Variants in LGALS8 observed in about 807,000 individuals in gnomAD.
LGALS8 encodes galectin-8.
A neutral mutation model predicts 35.9 loss-of-function variants in LGALS8; 30 were observed. The observed-to-expected ratio is 0.83, with a 90% CI of 0.62 to 1.13. The LOEUF (loss-of-function observed/expected upper bound fraction) is 1.13, where lower values mean the gene tolerates loss of function less well. Ranked by LOEUF, LGALS8 falls within the 50% of genes most tolerant of loss-of-function variation. The pLI is 0.00. For synonymous variants in LGALS8, 138 were observed against 136.1 expected (o/e 1.01, Z -0.10); for missense variants, 366 against 388.7 (o/e 0.94, Z 0.49).
chr1:236,547,438 T>G (rs1364278823), intron 9 of LGALS8, among the ~76,000 whole-genome samples: 2 of 152,176 alleles, frequency 1.3e-5, no homozygotes, highest in African/African-American at 4.8e-5. Context: ...CAAGATGTGC[T>G]GAGCTTATCA....
chr1:236,520,375 CT>C (rs1434141717), upstream of LGALS8, among the ~76,000 whole-genome samples: 3 of 63,134 alleles, frequency 4.8e-5, no homozygotes, highest in East Asian at 3.5e-3. Context: ...AGTATCTTCT[CT>C]TTAAAAAAAA....
Position 236,540,549 on chromosome 1 carries a change from TC to T in LGALS8, c.346-14del. 2.6e-6 allele frequency: 4 copies of T among 1,546,018 alleles called. No individual in the cohort carries two copies. Among genetic ancestry groups the T allele is most frequent in the Non-Finnish European group, 3.5e-6 (4 of 1,146,192 alleles). On this transcript the variant is annotated splice_polypyrimidine_tract_variant and intron_variant, in intron 4 of 9. Coordinates refer to ENST00000366584, the MANE Select transcript of LGALS8 (RefSeq NM_201544.4). ...TTTGGTGGCGGGGGGGGCTCTGTCT[TC>T]TGTATCTCTCTAGGTGGCTGTAAAT...
At position 236,548,553 on chromosome 1, in the gene LGALS8, T is replaced by C. The variant is rs1158574836; in HGVS notation, c.*392T>C. ...TGGTGAAACAAACCAGTATGTTCCC[T>C]GTTCTCTTGAGCTTCGACTCTTCTG... On this transcript the variant is annotated 3_prime_UTR_variant, in exon 10 of 10. Coordinates refer to ENST00000366584, the MANE Select transcript of LGALS8 (RefSeq NM_201544.4). 1 of 252,844 alleles carries C rather than the reference T, an allele frequency of 4.0e-6. No homozygotes were observed. The highest frequency in any genetic ancestry group is 7.5e-6 in the Non-Finnish European group (1 of 134,192). The allele number at this position is 252,844 out of a possible 1,614,324, so 15.7% of individuals were successfully genotyped here. A position where few individuals can be genotyped will look rare whatever the true frequency, so the allele number is the denominator to read the frequency against.
intron 2 of LGALS8, among the ~76,000 whole-genome samples, chr1:236,533,004 C>T (rs1191049718): frequency 3.3e-5 from 5 of 152,334 alleles, no homozygotes; most frequent in African/African-American, 7.2e-5. Context: ...TATCGTTTCA[C>T]GCCAGGCTTA....
At chr1:236,518,487 G>A (rs140573382), upstream of LGALS8, 7 of 152,322 alleles carry the variant, frequency 4.6e-5, no homozygotes, top group African/African-American at 1.4e-4. Flanking sequence ...GGAAGCAGAT[G>A]TATGTATAAG....
chr1:236,532,183 G>A (rs563454746), intron 2 of LGALS8, among the ~76,000 whole-genome samples: 22 of 152,222 alleles, frequency 1.4e-4, no homozygotes, highest in East Asian at 9.7e-4. Flanking sequence ...GGAAATCCCC[G>A]TTACCAGTTA....
rs1230043060 is a variant in LGALS8, at chr1:236,549,215, C to CA, written c.*1057dup. ...GTCCATCATCATTAGCAACTGAGAT[C>CA]AAAGCACTCTTCCACTTTACGTGAT... On this transcript the variant is annotated 3_prime_UTR_variant, in exon 10 of 10. Coordinates refer to ENST00000366584, the MANE Select transcript of LGALS8 (RefSeq NM_201544.4). The CA allele has an allele frequency of 2.6e-6, 1 of 383,380 alleles. No individual in the cohort carries two copies. Among genetic ancestry groups the CA allele is most frequent in the African/African-American group, 2.1e-5 (1 of 48,334 alleles). 23.7% of individuals were successfully genotyped at this position (383,380 alleles called of 1,614,324 possible).
intron 2 of LGALS8, among the ~76,000 whole-genome samples, chr1:236,534,146 T>G (rs1159535364): frequency 6.6e-6 from 1 of 152,178 alleles, no homozygotes. Flanking sequence ...TGCTCTTACC[T>G]TGTTGCAGTC....
In LGALS8 at chr1:236,540,641, T is replaced by C. The variant is rs1558164849; in HGVS notation, c.423T>C (p.Tyr141=). The change falls in exon 5 of 10, where the codon TAT becomes TAC. Residue 141 remains tyrosine, a synonymous_variant. Coordinates refer to ENST00000366584, the MANE Select transcript of LGALS8 (RefSeq NM_201544.4). ...GPEKIDTLGI[Y]GKVNIHSIGF... ...AGAAAATAGACACTCTGGGCATTTA[T>C]GGCAAAGTGAATATTCACTCAATTG... The C allele has an allele frequency of 3.1e-6, 5 of 1,612,010 alleles. No individual in the cohort carries two copies. In the East Asian group the frequency reaches 1.1e-4, roughly 36 times the overall value.
chr1:236,543,447 TG>T, intron 7 of LGALS8, 112 bp from the exon 8 acceptor site: 1 of 834,808 alleles, frequency 1.2e-6, no homozygotes. Context: ...TCTCCCCTCC[TG>T]GGATTTACAG....
At chr1:236,537,680 C>T (rs1558161948) in intron 3 of LGALS8, 95 bp downstream of exon 3, 1 of 908,654 alleles carries the variant, frequency 1.1e-6, no homozygotes, top group East Asian at 2.5e-5. Context: ...CCATTTGATA[C>T]TTTGAGGCCC....
At position 236,549,026 on chromosome 1, in the gene LGALS8, G is replaced by C; in HGVS notation, c.*865G>C. ...TGCATTCAATTTGAAAGATATTTAT[G>C]GGCAACAAAGTAAGGTCAGGATTAG... On this transcript the variant is annotated 3_prime_UTR_variant, in exon 10 of 10. Coordinates refer to ENST00000366584, the MANE Select transcript of LGALS8 (RefSeq NM_201544.4). 2 of 398,542 alleles carry C rather than the reference G, an allele frequency of 5.0e-6. No homozygotes were observed. The highest frequency in any genetic ancestry group is 4.4e-6 in the Non-Finnish European group (1 of 226,042). The allele number at this position is 398,542 out of a possible 1,614,324, so 24.7% of individuals were successfully genotyped here. A position where few individuals can be genotyped will look rare whatever the true frequency, so the allele number is the denominator to read the frequency against.
In LGALS8 at chr1:236,542,745, G is replaced by A; in HGVS notation, c.523-16G>A. ...TCCCCTTCTAACATTGTTGTGTTTT[G>A]TTTCTTTTCCAATAGGTTCCAAAGT... is the stretch of plus-strand genomic sequence containing the variant. On this transcript the variant is annotated splice_polypyrimidine_tract_variant and intron_variant, in intron 6 of 9. Coordinates refer to ENST00000366584, the MANE Select transcript of LGALS8 (RefSeq NM_201544.4). The A allele has an allele frequency of 6.2e-7, 1 of 1,613,608 alleles. No individual in the cohort carries two copies. The highest frequency in any genetic ancestry group is 8.5e-7 in the Non-Finnish European group (1 of 1,179,570).
chr1:236,519,924 A>G (rs907242309), upstream of LGALS8, among the ~76,000 whole-genome samples: 8 of 150,976 alleles, frequency 5.3e-5, no homozygotes, highest in Non-Finnish European at 8.9e-5. Context: ...TGTTTTACAC[A>G]TAACAGGAGT....
chr1:236,522,160 T>G (rs141640555), upstream of LGALS8, among the ~76,000 whole-genome samples: 1,159 of 152,298 alleles, frequency 7.6e-3, 20 homozygotes, highest in African/African-American at 0.027. Flanking sequence ...GTTCTTAGGA[T>G]TTATGAACAT....
At position 236,548,060 on chromosome 1, in the gene LGALS8, G is replaced by T; in HGVS notation, c.853G>T (p.Val285Leu). 2 of 1,613,108 alleles carry T rather than the reference G, an allele frequency of 1.2e-6. No homozygotes were observed. The highest frequency in any genetic ancestry group is 1.7e-6 in the Non-Finnish European group (2 of 1,179,050). ...VREFKVAVNG[V>L]HSLEYKHRFK... is the part of the protein sequence containing the mutation. ...AGAATTCAAGGTTGCAGTAAATGGC[G>T]TACACAGCCTGGAGTACAAACACAG... Residue 285 changes from valine (V) to leucine (L), a missense_variant, in exon 10 of 10, where the codon GTA (valine) becomes TTA (leucine). Coordinates refer to ENST00000366584, the MANE Select transcript of LGALS8 (RefSeq NM_201544.4).
chr1:236,524,272 A>T (rs969665816), intron 1 of LGALS8: 11 of 455,808 alleles, frequency 2.4e-5, no homozygotes, highest in African/African-American at 4.0e-5. Context: ...TCTGCAGGCG[A>T]GGCGCTCCGG....
chr1:236,529,551 C>A (rs1661022579), intron 2 of LGALS8, among the ~76,000 whole-genome samples: 1 of 141,716 alleles, frequency 7.1e-6, no homozygotes, highest in South Asian at 2.2e-4. Flanking sequence ...AACTGCACTG[C>A]ATCCTGGGCG....
intron 2 of LGALS8, among the ~76,000 whole-genome samples, chr1:236,533,339 C>CTTTTTTTTTTTTTTTTTTT (rs139389436): frequency 6.7e-6 from 1 of 148,982 alleles, no homozygotes; most frequent in African/African-American, 2.5e-5. Flanking sequence ...CTCCCCCACC[C>CTTTTTTTTTTTTTTTTTTT]TTTTTTTTTT....
Sources: gnomAD v4.1 joint callset for allele counts (sites outside exome capture counted in the v4.1 genomes callset) on GRCh38, gnomAD v4.1.1 for gene constraint, MANE v1.5 for transcripts, NCBI Gene and HGNC (gene_info 2026-07-23, HGNC 2026-07-21) for gene names.